The following CHRM3 variants were observed in gnomAD, a reference collection of about 807,000 sequenced individuals.
The protein encoded by CHRM3 is muscarinic acetylcholine receptor M3.
Under a neutral mutation model 41.8 loss-of-function variants are expected in CHRM3, and 11 were observed. The ratio of observed to expected loss-of-function variants is 0.26; its 90% CI spans 0.17 to 0.44. CHRM3 has a LOEUF of 0.44. Among genes scored for constraint, CHRM3 ranks in the 20% least tolerant of loss-of-function variants. CHRM3 has a pLI of 1.00. For missense variants in CHRM3, 571 were observed against 745.4 expected, an observed-to-expected ratio of 0.77 and a Z score of 2.72; for synonymous variants, 297 against 301.4, an observed-to-expected ratio of 0.99 and a Z score of 0.15.
intron 1 of CHRM3, among the ~76,000 whole-genome samples, chr1:239,473,263 GAAAA>G (rs200627399): frequency 2.5e-5 from 2 of 80,498 alleles, no homozygotes; most frequent in Non-Finnish European, 5.4e-5. Context: ...AAGCATATTT[GAAAA>G]AAAAAAAAAA....
intron 3 of CHRM3, among the ~76,000 whole-genome samples, chr1:239,597,858 G>GTGTT (rs1553336650): frequency 7.4e-5 from 9 of 120,878 alleles, no homozygotes; most frequent in Non-Finnish European, 1.2e-4. Context: ...AACTGTCAGA[G>GTGTT]TTTTTTTTTT....
At chr1:239,482,626 C>T (rs897262956) in intron 1 of CHRM3, among the ~76,000 whole-genome samples, 5 of 152,156 alleles carry the variant, frequency 3.3e-5, no homozygotes, top group Non-Finnish European at 7.4e-5. Flanking sequence ...ACTTCCCATA[C>T]CTAGGTTACT....
intron 4 of CHRM3, among the ~76,000 whole-genome samples, chr1:239,653,220 G>C (rs1299499045): frequency 6.6e-6 from 1 of 152,162 alleles, no homozygotes; most frequent in Non-Finnish European, 1.5e-5. Context: ...GGCATCACGA[G>C]TAAGGGGGAT....
chr1:239,689,518 T>C (rs963767586), intron 5 of CHRM3, among the ~76,000 whole-genome samples: 2 of 152,232 alleles, frequency 1.3e-5, no homozygotes, highest in Non-Finnish European at 2.9e-5. Context: ...ATTTTTAATA[T>C]TGCTGCACAT....
At chr1:239,609,107 G>A (rs1436178321) in intron 3 of CHRM3, among the ~76,000 whole-genome samples, 1 of 152,104 alleles carries the variant, frequency 6.6e-6, no homozygotes, top group Non-Finnish European at 1.5e-5. Flanking sequence ...GTAATACATT[G>A]TCATGTCTTT....
chr1:239,687,707 CCATAA>C (rs1438887998), intron 5 of CHRM3, among the ~76,000 whole-genome samples: 2 of 152,044 alleles, frequency 1.3e-5, no homozygotes, highest in Non-Finnish European at 2.9e-5. Context: ...AACAGTGCTC[CCATAA>C]CATAATAACT....
rs1393649573 is a variant in CHRM3 at position 239,912,510 on chromosome 1, G to C, written c.*3286G>C. On this transcript the variant is annotated 3_prime_UTR_variant, in exon 7 of 7. Coordinates refer to ENST00000676153, the MANE Select transcript of CHRM3 (RefSeq NM_001375978.1). Reference sequence around the variant, plus strand: ...TCTAGAAGGCATATCAGTTTTCTCTGTCAGGCTTCCTACGTTGCCCTCGTG... The same window carrying C: ...TCTAGAAGGCATATCAGTTTTCTCTCTCAGGCTTCCTACGTTGCCCTCGTG... 6.0e-6 allele frequency: 1 copy of C among 167,144 alleles called. No homozygotes were observed. Among genetic ancestry groups the C allele is most frequent in the Non-Finnish European group, 1.5e-5 (1 of 68,152 alleles). The allele number at this position is 167,144 out of a possible 1,614,324, so 10.4% of individuals were successfully genotyped here. A position where few individuals can be genotyped will look rare whatever the true frequency, so the allele number is the denominator to read the frequency against.
At chr1:239,780,803 G>A (rs890715296) in intron 5 of CHRM3, among the ~76,000 whole-genome samples, 1 of 124,524 alleles carries the variant, frequency 8.0e-6, no homozygotes, top group African/African-American at 3.2e-5. Context: ...TGTAAGGTCT[G>A]TGTCTACATT....
chr1:239,650,989 C>T (rs760498122), intron 4 of CHRM3, among the ~76,000 whole-genome samples: 6 of 152,114 alleles, frequency 3.9e-5, no homozygotes, highest in Non-Finnish European at 8.8e-5. Flanking sequence ...TACATATATG[C>T]ATAATATCAT....
intron 5 of CHRM3, among the ~76,000 whole-genome samples, chr1:239,773,408 G>A (rs1048070219): frequency 4.6e-5 from 7 of 152,204 alleles, no homozygotes; most frequent in Non-Finnish European, 7.3e-5. Context: ...AGGTCTGGAA[G>A]AAGGTAGTTG....
chr1:239,485,010 G>A (rs928914032), intron 1 of CHRM3, among the ~76,000 whole-genome samples: 1 of 152,152 alleles, frequency 6.6e-6, no homozygotes, highest in East Asian at 1.9e-4. Flanking sequence ...AGGAAGACAG[G>A]ATATCCCTAT....
intron 3 of CHRM3, among the ~76,000 whole-genome samples, chr1:239,583,158 TCTGTGTGGG>T (rs969372347): frequency 6.6e-6 from 1 of 152,168 alleles, no homozygotes; most frequent in African/African-American, 2.4e-5. Flanking sequence ...AGAGCGAAAT[TCTGTGTGGG>T]CTGTGTGGGC....
intron 6 of CHRM3, among the ~76,000 whole-genome samples, chr1:239,888,005 A>G (rs1024172069): frequency 6.6e-6 from 1 of 152,148 alleles, no homozygotes; most frequent in Admixed American, 6.5e-5. Flanking sequence ...GCCTTGTTGC[A>G]TAGTTGAGTT....
chr1:239,459,189 G>T (rs1221835165), intron 1 of CHRM3, among the ~76,000 whole-genome samples: 2 of 152,004 alleles, frequency 1.3e-5, no homozygotes, highest in African/African-American at 4.8e-5. Context: ...CCATCATCTT[G>T]AATCTGGAGT....
intron 6 of CHRM3, among the ~76,000 whole-genome samples, chr1:239,879,802 G>A (rs557354036): frequency 2.6e-5 from 4 of 152,306 alleles, no homozygotes; most frequent in Admixed American, 1.3e-4. Context: ...ACACACAGCT[G>A]GTTGCTCTGC....
At chr1:239,498,160 T>G (rs1241480812) in intron 2 of CHRM3, among the ~76,000 whole-genome samples, 1 of 152,294 alleles carries the variant, frequency 6.6e-6, no homozygotes, top group South Asian at 2.1e-4. Context: ...AGGAATTATA[T>G]ATTTGCTTTA....
intron 3 of CHRM3, among the ~76,000 whole-genome samples, chr1:239,582,051 T>C (rs1022709687): frequency 2.0e-5 from 3 of 152,198 alleles, no homozygotes; most frequent in Non-Finnish European, 4.4e-5. Flanking sequence ...ATACATGCAA[T>C]TTAAAATAAC....
At chr1:239,583,993 C>A (rs186814529) in intron 3 of CHRM3, among the ~76,000 whole-genome samples, 4 of 152,146 alleles carry the variant, frequency 2.6e-5, no homozygotes, top group African/African-American at 9.6e-5. Flanking sequence ...TGCCCCTTGT[C>A]AGCTGGGGGA....
At chr1:239,544,291 C>T (rs1659075738) in intron 2 of CHRM3, among the ~76,000 whole-genome samples, 1 of 152,176 alleles carries the variant, frequency 6.6e-6, no homozygotes, top group Admixed American at 6.5e-5. Flanking sequence ...TCGTGCCATC[C>T]TTCCCCCTGT....
Sources: gnomAD v4.1 joint callset for allele counts (sites outside exome capture counted in the v4.1 genomes callset) on GRCh38, gnomAD v4.1.1 for gene constraint, MANE v1.5 for transcripts, NCBI Gene and HGNC (gene_info 2026-07-23, HGNC 2026-07-21) for gene names.